PUM2: variants seen among roughly 807,000 people sequenced by gnomAD.
PUM2 encodes pumilio homolog 2.
Under a neutral mutation model 124.5 loss-of-function variants are expected in PUM2, and 57 were observed. The observed-to-expected ratio is 0.46, with a 90% CI of 0.37 to 0.57. The LOEUF (loss-of-function observed/expected upper bound fraction) is 0.57, where lower values mean the gene tolerates loss of function less well. PUM2 is among the 20% of genes least tolerant of loss of function. PUM2 has a pLI of 0.00. For missense variants in PUM2, 1,065 were observed against 1,290.6 expected (o/e 0.83, Z 2.68); for synonymous variants, 460 against 446.1 (o/e 1.03, Z -0.39).
chr2:20,283,410 G>C lies in PUM2; in HGVS notation c.1368C>G (p.Gly456=), dbSNP rs139324130. Residue 456 remains glycine, a synonymous_variant, in exon 11 of 21, where the codon GGC becomes GGG. Coordinates refer to ENST00000361078, the MANE Select transcript of PUM2 (RefSeq NM_015317.5). ...ALVVGPGART[G]LGAPVRLMAP... The stretch of plus-strand genomic sequence containing the variant: ...CCATTAACCGAACTGGAGCTCCAAG[G>C]CCAGTCCTTGCTCCAGGGCCAACCA... 263 of 1,613,874 alleles carry C rather than the reference G, an allele frequency of 1.6e-4. No homozygotes were observed. The highest frequency in any genetic ancestry group is 2.2e-4 in the Non-Finnish European group (256 of 1,179,972).
At chr2:20,296,346 T>A (rs1675534214) in intron 8 of PUM2, among the ~76,000 whole-genome samples, 1 of 151,884 alleles carries the variant, frequency 6.6e-6, no homozygotes. Flanking sequence ...ATACAAAAAA[T>A]TAGCCAGGCG....
rs746339943 is a variant in PUM2 at position 20,297,691 on chromosome 2, A to G, written c.884-13T>C. On this transcript the variant is annotated splice_polypyrimidine_tract_variant and intron_variant, in intron 7 of 20. Coordinates refer to ENST00000361078, the MANE Select transcript of PUM2 (RefSeq NM_015317.5). ...GAGAATACACCAGCTATATTTTAAA[A>G]GGGGAGAAATAATAAACAACAATGT... 1.2e-6 allele frequency: 2 copies of G among 1,600,106 alleles called. No individual in the cohort carries two copies. The highest frequency in any genetic ancestry group is 4.5e-5 in the East Asian group (2 of 44,602).
intron 13 of PUM2, among the ~76,000 whole-genome samples, chr2:20,273,341 G>A (rs991297414): frequency 2.6e-5 from 4 of 152,130 alleles, no homozygotes; most frequent in Non-Finnish European, 5.9e-5. Flanking sequence ...AGTCTACTAC[G>A]AGGCATTTTA....
chr2:20,255,679 A>C (rs1664597135), intron 17 of PUM2, among the ~76,000 whole-genome samples: 1 of 152,196 alleles, frequency 6.6e-6, no homozygotes, highest in Non-Finnish European at 1.5e-5. Context: ...TATTAGTTAC[A>C]AATTGCTATG....
chr2:20,294,360 T>C lies in PUM2; in HGVS notation c.1152+16A>G, dbSNP rs1025091439. On this transcript the variant is annotated intron_variant, in intron 9 of 20. Coordinates refer to ENST00000361078, the MANE Select transcript of PUM2 (RefSeq NM_015317.5). ...TCAAAGAATACTTGGTATTACTTAA[T>C]AGAAGGAAGGCCTACCTGTTGCTGT... The C allele has an allele frequency of 6.2e-6, 10 of 1,611,910 alleles. No homozygotes were observed. The highest frequency in any genetic ancestry group is 6.8e-6 in the Non-Finnish European group (8 of 1,179,244).
At chr2:20,266,746 A>T (rs1177699591) in intron 13 of PUM2, among the ~76,000 whole-genome samples, 1 of 152,150 alleles carries the variant, frequency 6.6e-6, no homozygotes, top group Admixed American at 6.5e-5. Context: ...CAAGGTCATA[A>T]AAAACAGAAA....
chr2:20,258,957 G>A (rs1270265664), intron 15 of PUM2, among the ~76,000 whole-genome samples: 2 of 151,736 alleles, frequency 1.3e-5, no homozygotes, highest in African/African-American at 4.8e-5. Flanking sequence ...GTGAGCCACC[G>A]CGCCCGGCCA....
At chr2:20,346,972 TCTC>T (rs1318052520) in intron 1 of PUM2, among the ~76,000 whole-genome samples, 1 of 152,162 alleles carries the variant, frequency 6.6e-6, no homozygotes, top group Non-Finnish European at 1.5e-5. Context: ...TTACCTCCCT[TCTC>T]CTTTTACACT....
intron 2 of PUM2, among the ~76,000 whole-genome samples, chr2:20,326,992 T>A (rs1683839325): frequency 6.6e-6 from 1 of 152,058 alleles, no homozygotes; most frequent in Non-Finnish European, 1.5e-5. Context: ...CATACATATA[T>A]AAAACAGCAG....
chr2:20,258,792 C>T lies in PUM2; in HGVS notation c.2356-421G>A, dbSNP rs976234743. Among the ~76,000 whole-genome samples the T allele has an allele frequency of 9.9e-5, 15 of 151,288 alleles. 1 individual carries two copies. Among genetic ancestry groups the T allele is most frequent in the Admixed American group, 6.6e-5 (1 of 15,196 alleles). On this transcript the variant is annotated intron_variant, in intron 15 of 20. Transcript: ENST00000361078. ...ACGCCATTCTCCTGCCTCAGCCTCCCGAGTAGCTGGGACTACAGGCGCCCG... is the reference window on the plus strand; with the variant it reads ...ACGCCATTCTCCTGCCTCAGCCTCCTGAGTAGCTGGGACTACAGGCGCCCG...
At chr2:20,345,110 G>C (rs1477127823) in intron 1 of PUM2, among the ~76,000 whole-genome samples, 1 of 148,638 alleles carries the variant, frequency 6.7e-6, no homozygotes, top group Non-Finnish European at 1.5e-5. Flanking sequence ...TTTTGCGGCG[G>C]GGCCGGGGAG....
intron 13 of PUM2, among the ~76,000 whole-genome samples, chr2:20,268,240 G>A (rs1360758159): frequency 1.3e-5 from 2 of 152,216 alleles, no homozygotes; most frequent in Non-Finnish European, 1.5e-5. Context: ...GAAGAGTATG[G>A]GGACTAATTA....
At position 20,307,963 on chromosome 2, in the gene PUM2, C is replaced by G. The variant is rs75012163; in HGVS notation, c.883+15G>C. On this transcript the variant is annotated intron_variant, in intron 7 of 20. Transcript: ENST00000361078. The stretch of plus-strand genomic sequence containing the variant: ...AACAAGACTTTGGTCAAAATGAGAA[C>G]GTATGAAGACTCACCTATATGTGGC... The G allele has an allele frequency of 2.5e-3, 4,064 of 1,601,928 alleles. 94 individuals carry two copies. The African/African-American group carries it at 0.046, about 18-fold the overall frequency.
At chr2:20,265,692 A>C (rs1667484204) in intron 13 of PUM2, among the ~76,000 whole-genome samples, 1 of 152,224 alleles carries the variant, frequency 6.6e-6, no homozygotes. Context: ...TGATGATGTC[A>C]CTTTATGATA....
chr2:20,271,092 G>T (rs1477108329), intron 13 of PUM2, among the ~76,000 whole-genome samples: 1 of 151,848 alleles, frequency 6.6e-6, no homozygotes, highest in Non-Finnish European at 1.5e-5. Context: ...AGTGAATAAG[G>T]ATGTTTTTTT....
intron 3 of PUM2, among the ~76,000 whole-genome samples, chr2:20,313,317 T>C (rs541813980): frequency 6.6e-6 from 1 of 152,310 alleles, no homozygotes; most frequent in South Asian, 2.1e-4. Flanking sequence ...ACTAACTGGC[T>C]GGAGCACACA....
rs995848329 is a variant in PUM2, at chr2:20,288,277, G to A, written c.1291+2375C>T. On this transcript the variant is annotated intron_variant, in intron 10 of 20. Transcript: ENST00000361078. ...AAGCAATGAGAGGTGAAAAGGCTATGAGTGAAATACCACTCCGCAGAAAAG... is the reference window on the plus strand; with the variant it reads ...AAGCAATGAGAGGTGAAAAGGCTATAAGTGAAATACCACTCCGCAGAAAAG... Among the ~76,000 whole-genome samples, 123 of 152,188 alleles carry A rather than the reference G, an allele frequency of 8.1e-4. 1 individual carries two copies. The highest frequency in any genetic ancestry group is 2.9e-3 in the African/African-American group (119 of 41,434).
chr2:20,315,296 G>T (rs1680621863), intron 3 of PUM2, among the ~76,000 whole-genome samples: 1 of 152,124 alleles, frequency 6.6e-6, no homozygotes, highest in Admixed American at 6.5e-5. Context: ...AAGTGCTGGA[G>T]AACATGATGA....
intron 13 of PUM2, among the ~76,000 whole-genome samples, chr2:20,270,025 A>G (rs1273141426): frequency 2.0e-5 from 3 of 152,202 alleles, no homozygotes; most frequent in Non-Finnish European, 4.4e-5. Context: ...GGGGTAATGT[A>G]TAGTTCCAAA....
Sources: gnomAD v4.1 joint callset for allele counts (sites outside exome capture counted in the v4.1 genomes callset) on GRCh38, gnomAD v4.1.1 for gene constraint, MANE v1.5 for transcripts, NCBI Gene and HGNC (gene_info 2026-07-23, HGNC 2026-07-21) for gene names.